Variants in KLC2 observed in about 807,000 individuals in gnomAD.
KLC2 encodes the protein KLC 2.
In KLC2, 35 loss-of-function variants were observed where a neutral mutation model predicts 75.1. That is an observed-to-expected ratio of 0.47 (90% CI 0.36 to 0.62). The LOEUF (loss-of-function observed/expected upper bound fraction) is 0.62, where lower values mean the gene tolerates loss of function less well. Among genes scored for constraint, KLC2 ranks in the 20% least tolerant of loss-of-function variants. The pLI, the probability that KLC2 is intolerant of heterozygous loss-of-function variation, is 0.00. For synonymous variants in KLC2, 314 were observed against 336.7 expected, an observed-to-expected ratio of 0.93 and a Z score of 0.74; for missense variants, 611 against 833.2, an observed-to-expected ratio of 0.73 and a Z score of 3.28.
At position 66,265,336 on chromosome 11, in the gene KLC2, G is replaced by C. The variant is rs1856748049; in HGVS notation, c.1334+101G>C. On this transcript the variant is annotated intron_variant, in intron 11 of 15. Transcript: ENST00000394067. ...ACACCCCTCCTCTGCTGCTCATCTG[G>C]CAAGGCCCAACTCACAGGTCACCTG... The C allele has an allele frequency of 1.8e-5, 19 of 1,041,962 alleles. No homozygotes were observed. In the South Asian group the frequency reaches 2.8e-4, roughly 15 times the overall value. The allele number at this position is 1,041,962 out of a possible 1,614,324, so 64.5% of individuals were successfully genotyped here.
upstream of KLC2, among the ~76,000 whole-genome samples, chr11:66,252,559 A>G (rs1261052660): frequency 6.6e-6 from 1 of 152,160 alleles, no homozygotes; most frequent in African/African-American, 2.4e-5. Flanking sequence ...CACCGTGCCC[A>G]GCCCCTTTAT....
upstream of KLC2, among the ~76,000 whole-genome samples, chr11:66,252,734 C>T (rs148491018): frequency 4.6e-5 from 7 of 152,290 alleles, no homozygotes; most frequent in African/African-American, 1.4e-4. Flanking sequence ...CCAAGGCCTG[C>T]GGTCCCTCCA....
At chr11:66,246,848 G>T in the KLC2 span, among the ~76,000 whole-genome samples, 1 of 152,126 alleles carries the variant, frequency 6.6e-6, no homozygotes, top group Non-Finnish European at 1.5e-5. Context: ...CTTTCCACCT[G>T]GCCTGTGGAC....
chr11:66,266,937 G>T lies in KLC2; in HGVS notation c.1850G>T (p.Arg617Leu). 6.2e-7 allele frequency: 1 copy of T among 1,613,072 alleles called. No individual in the cohort carries two copies. ...TCCAGCTCCATGGACCTCTCCCGAC[G>T]AAGCTCCCTGGTGGGCTAATGCTGA... ...LSSSSMDLSR[R>L]SSLVG The change falls in exon 16 of 16, where the codon CGA becomes CTA. Residue 617 changes from arginine (R) to leucine (L), a missense_variant. By Grantham distance (102) the Arg-to-Leu change is moderately radical. Coordinates refer to ENST00000394067, the MANE Select transcript of KLC2 (RefSeq NM_001318734.2).
In KLC2 at chr11:66,267,665, C is replaced by A; in HGVS notation, c.*709C>A. ...TATGCACTGCCCCTCCCACCCGGCC[C>A]CGCCCAGGCACGGCCGACCCCGCCC... is the stretch of plus-strand genomic sequence containing the variant. On this transcript the variant is annotated 3_prime_UTR_variant, in exon 16 of 16. Transcript: ENST00000394067. The A allele has an allele frequency of 1.8e-6, 1 of 542,022 alleles. No homozygotes were observed. 33.6% of individuals were successfully genotyped at this position (542,022 alleles called of 1,614,324 possible).
At position 66,262,984 on chromosome 11, in the gene KLC2, C is replaced by T; in HGVS notation, c.700C>T (p.His234Tyr). The change falls in exon 5 of 16, where the codon CAC becomes TAC. Residue 234 changes from histidine to tyrosine, a missense_variant. His to Tyr is a moderately conservative substitution (Grantham distance 83). Coordinates refer to ENST00000394067, the MANE Select transcript of KLC2 (RefSeq NM_001318734.2). The part of the protein sequence containing the change: ...ALEDLEKTSG[H>Y]DHPDVATMLN... The stretch of plus-strand genomic sequence containing the variant: ...CGAAGACCTGGAGAAGACGTCAGGC[C>T]ACGACCACCCTGACGTTGCCACCAT... 6.2e-7 allele frequency: 1 copy of T among 1,614,066 alleles called. No homozygotes were observed. Among genetic ancestry groups the T allele is most frequent in the Middle Eastern group, 1.6e-4 (1 of 6,062 alleles).
Position 66,263,049 on chromosome 11 carries a change from T to C in KLC2, c.752+13T>C. On this transcript the variant is annotated intron_variant, in intron 5 of 15. Coordinates refer to ENST00000394067, the MANE Select transcript of KLC2 (RefSeq NM_001318734.2). Reference sequence around the variant, plus strand: ...CACTGGTCTATCGGTGAGGACTCTCTGGGGGTGCCCAAATTCTTCTGGAAG... The same window carrying C: ...CACTGGTCTATCGGTGAGGACTCTCCGGGGGTGCCCAAATTCTTCTGGAAG... 6.3e-7 allele frequency: 1 copy of C among 1,592,118 alleles called. No individual in the cohort carries two copies. Among genetic ancestry groups the C allele is most frequent in the Non-Finnish European group, 8.6e-7 (1 of 1,160,906 alleles).
At position 66,267,232 on chromosome 11, in the gene KLC2, C is replaced by A; in HGVS notation, c.*276C>A. 6.6e-7 allele frequency: 1 copy of A among 1,510,068 alleles called. No homozygotes were observed. The allele number at this position is 1,510,068 out of a possible 1,614,324, so 93.5% of individuals were successfully genotyped here. The stretch of plus-strand genomic sequence containing the variant: ...TGCCGGCTGGAGTCTCCACCATAGA[C>A]TCAGTGGCCTGGCCTCCCCAGACCC... On this transcript the variant is annotated 3_prime_UTR_variant, in exon 16 of 16. Transcript: ENST00000394067.
chr11:66,253,520 G>A (rs1409270626), upstream of KLC2, among the ~76,000 whole-genome samples: 1 of 152,192 alleles, frequency 6.6e-6, no homozygotes. Flanking sequence ...GCTGAGCACT[G>A]TGGAAAGAGC....
chr11:66,261,718 C>A, intron 2 of KLC2, 24 bp from the exon 3 acceptor site: 1 of 1,555,548 alleles, frequency 6.4e-7, no homozygotes. Context: ...AGGCCTCCGA[C>A]CCTTACCTGG....
chr11:66,245,792 G>C, the KLC2 span, among the ~76,000 whole-genome samples: 1 of 152,206 alleles, frequency 6.6e-6, no homozygotes, highest in Non-Finnish European at 1.5e-5. Context: ...TGAGGCACGA[G>C]AATCACTTGA....
At position 66,265,699 on chromosome 11, in the gene KLC2, G is replaced by C; in HGVS notation, c.1379G>C (p.Arg460Pro). ...TTLRSLGALY[R>P]RQGKLEAAHT... ...CTGCGCAGCTTGGGGGCCCTATACC[G>C]GCGCCAGGGCAAGCTGGAAGCCGCG... is the stretch of plus-strand genomic sequence containing the variant. Residue 460 changes from arginine to proline, a missense_variant, in exon 12 of 16, where the codon CGG becomes CCG. Transcript: ENST00000394067. 6.2e-7 allele frequency: 1 copy of C among 1,613,912 alleles called. No homozygotes were observed. The highest frequency in any genetic ancestry group is 8.5e-7 in the Non-Finnish European group (1 of 1,179,960).
the KLC2 span, among the ~76,000 whole-genome samples, chr11:66,251,132 G>C: frequency 3.3e-5 from 5 of 152,218 alleles, no homozygotes. Context: ...AAGGGTTAGA[G>C]GGAAATAGAT....
In KLC2 at chr11:66,262,197, G is replaced by A. The variant is rs146901684; in HGVS notation, c.529+5G>A. 4.3e-6 allele frequency: 7 copies of A among 1,611,780 alleles called. No homozygotes were observed. The highest frequency in any genetic ancestry group is 5.1e-6 in the Non-Finnish European group (6 of 1,178,560). ...ATGAGGATGAGCAGAGCCCAGGTGC[G>A]GATGGGCAGTTCTGGAGTGGGGGAA... is the stretch of plus-strand genomic sequence containing the variant. On this transcript the variant is annotated splice_donor_5th_base_variant and intron_variant, in intron 4 of 15. Transcript: ENST00000394067.
chr11:66,254,579 C>A (rs1449209164), upstream of KLC2, among the ~76,000 whole-genome samples: 1 of 148,990 alleles, frequency 6.7e-6, no homozygotes, highest in African/African-American at 2.5e-5. Context: ...GCGGGAGGAT[C>A]ACTTGAGCCC....
intron 10 of KLC2, 35 bp downstream of exon 10, chr11:66,265,107 G>A (rs1856721072): frequency 6.2e-7 from 1 of 1,609,258 alleles, no homozygotes; most frequent in East Asian, 2.2e-5. Flanking sequence ...GGTTGTCAGG[G>A]GAGGCTGGGA....
At chr11:66,262,785 C>T (rs1277796568) in intron 4 of KLC2, 29 bp from the exon 5 acceptor site, 1 of 1,535,966 alleles carries the variant, frequency 6.5e-7, no homozygotes, top group Non-Finnish European at 8.9e-7. Context: ...GCAGATGGTA[C>T]ATCTGACCTC....
chr11:66,259,133 TTCTTC>T (rs1314084994), intron 2 of KLC2, among the ~76,000 whole-genome samples: 1 of 152,188 alleles, frequency 6.6e-6, no homozygotes, highest in Non-Finnish European at 1.5e-5. Context: ...CACCAATTAA[TTCTTC>T]TATTCACTCG....
At chr11:66,250,048 C>T in the KLC2 span, among the ~76,000 whole-genome samples, 2 of 152,126 alleles carry the variant, frequency 1.3e-5, no homozygotes, top group Admixed American at 1.3e-4. Context: ...GCTCACCACC[C>T]TCGAGCCACA....
Sources: allele counts gnomAD v4.1 joint callset (sites outside exome capture counted in the v4.1 genomes callset), GRCh38; gene constraint gnomAD v4.1.1; transcripts MANE v1.5; gene names NCBI Gene and HGNC (gene_info 2026-07-23, HGNC 2026-07-21).